SIAH1: variants seen among roughly 807,000 people sequenced by gnomAD.
SIAH1 encodes E3 ubiquitin-protein ligase SIAH1.
A neutral mutation model predicts 20.0 loss-of-function variants in SIAH1; 2 were observed. The ratio of observed to expected loss-of-function variants is 0.10; its 90% CI spans 0.04 to 0.31. SIAH1 has a LOEUF of 0.31. SIAH1 is among the 10% of genes least tolerant of loss of function. The probability of loss-of-function intolerance (pLI) is 1.00; values close to 1 mark genes in which losing one functional copy is unlikely to be tolerated. For missense variants in SIAH1, 119 were observed against 355.3 expected (o/e 0.33, Z 5.35); for synonymous variants, 118 against 125.3 (o/e 0.94, Z 0.39).
chr16:48,377,162 A>G (rs1207887587), intron 1 of SIAH1, among the ~76,000 whole-genome samples: 1 of 152,186 alleles, frequency 6.6e-6, no homozygotes, highest in Non-Finnish European at 1.5e-5. Flanking sequence ...TCTGTTTTAT[A>G]AATATAATTA....
chr16:48,365,934 G>T, intron 1 of SIAH1: 1 of 1,214,982 alleles, frequency 8.2e-7, no homozygotes, highest in Non-Finnish European at 1.0e-6. Flanking sequence ...GGCCGGGGCT[G>T]GGCCTGCGTT....
chr16:48,361,711 G>A lies in SIAH1; in HGVS notation c.718C>T (p.Pro240Ser). ...GCAATTCCTTCATGAATAGATCGAG[G>A]AGTCGCTTCCCAAGTCAATCGTCGC... ...HRRRLTWEAT[P>S]RSIHEGIATA... The change falls in exon 2 of 2, where the codon CCT becomes TCT. Residue 240 changes from proline (P) to serine (S), a missense_variant. Pro to Ser is a moderately conservative substitution (Grantham distance 74, BLOSUM62 -1). This residue lies in a region of SIAH1 where 84 missense variants were observed against 307.8 expected (regional missense o/e 0.27). Coordinates refer to ENST00000394725, the MANE Select transcript of SIAH1 (RefSeq NM_003031.4). 1 of 1,614,180 alleles carries A rather than the reference G, an allele frequency of 6.2e-7. No homozygotes were observed. The highest frequency in any genetic ancestry group is 2.2e-5 in the East Asian group (1 of 44,890).
chr16:48,381,731 G>A (rs1238601654), intron 1 of SIAH1, among the ~76,000 whole-genome samples: 1 of 152,204 alleles, frequency 6.6e-6, no homozygotes, highest in Non-Finnish European at 1.5e-5. Flanking sequence ...ATAAAAGAAA[G>A]AAGATAAGTG....
chr16:48,384,276 G>A (rs1961377675), intron 1 of SIAH1, among the ~76,000 whole-genome samples: 1 of 152,044 alleles, frequency 6.6e-6, no homozygotes, highest in Non-Finnish European at 1.5e-5. Flanking sequence ...CTATGACTTT[G>A]GCAAAAGAAG....
chr16:48,377,724 G>T (rs923482557), intron 1 of SIAH1, among the ~76,000 whole-genome samples: 1 of 151,570 alleles, frequency 6.6e-6, no homozygotes, highest in Non-Finnish European at 1.5e-5. Flanking sequence ...AAAAAAAATC[G>T]TTCTAGAAAT....
In SIAH1 at chr16:48,362,866, G is replaced by A. The variant is rs1277593862; in HGVS notation, c.-2-436C>T. 1 of 170,718 alleles carries A rather than the reference G, an allele frequency of 5.9e-6. No homozygotes were observed. The highest frequency in any genetic ancestry group is 6.3e-5 in the Admixed American group (1 of 15,900). The allele number at this position is 170,718 out of a possible 1,614,324, so 10.6% of individuals were successfully genotyped here. On this transcript the variant is annotated intron_variant, in intron 1 of 1. Transcript: ENST00000394725. This position sits in a 1 kb window ranked among gnomAD's most constrained non-coding sequence, Gnocchi z 4.2. ...TGTTGATAGGTACAGGGAGTTACAG[G>A]TGAACTCCTGTATAAAATCGGCACT... is the stretch of plus-strand genomic sequence containing the variant.
intron 1 of SIAH1, among the ~76,000 whole-genome samples, chr16:48,379,782 C>G (rs979117587): frequency 6.6e-6 from 1 of 152,190 alleles, no homozygotes; most frequent in Non-Finnish European, 1.5e-5. Context: ...TCACAAAGAG[C>G]TTCTCAGCTA....
chr16:48,365,691 G>T, intron 1 of SIAH1: 1 of 1,421,870 alleles, frequency 7.0e-7, no homozygotes, highest in Non-Finnish European at 9.2e-7. Flanking sequence ...GCTCAAATTC[G>T]ACTGCATCTC....
At position 48,380,650 on chromosome 16, in the gene SIAH1, G is replaced by A. The variant is rs577313550; in HGVS notation, c.-3+4554C>T. 2.0e-4 allele frequency among the ~76,000 whole-genome samples: 31 copies of A among 151,308 alleles called. 1 individual carries two copies. In the South Asian group the frequency reaches 5.2e-3, roughly 26 times the overall value. ...AGTAAGATACCACTACAGGCCAGGC[G>A]CAGTGGCCCACGCCTGTAATCCCAC... On this transcript the variant is annotated intron_variant, in intron 1 of 1. Coordinates refer to ENST00000394725, the MANE Select transcript of SIAH1 (RefSeq NM_003031.4).
In SIAH1 at chr16:48,360,756, A is replaced by T. The variant is rs1238860554; in HGVS notation, c.*824T>A. On this transcript the variant is annotated 3_prime_UTR_variant, in exon 2 of 2. Coordinates refer to ENST00000394725, the MANE Select transcript of SIAH1 (RefSeq NM_003031.4). ...AAGCCTGATTTGCAGTATTTATAAA[A>T]ATCAATTTATTCTCTAACCTTTCAA... The T allele has an allele frequency of 6.6e-6, 1 of 152,620 alleles. No homozygotes were observed. The highest frequency in any genetic ancestry group is 1.5e-5 in the Non-Finnish European group (1 of 68,040). The allele number at this position is 152,620 out of a possible 1,614,324, so 9.5% of individuals were successfully genotyped here. A position where few individuals can be genotyped will look rare whatever the true frequency, so the allele number is the denominator to read the frequency against.
chr16:48,362,095 T>C lies in SIAH1; in HGVS notation c.334A>G (p.Thr112Ala). 1.2e-6 allele frequency: 2 copies of C among 1,614,146 alleles called. No homozygotes were observed. Among genetic ancestry groups the C allele is most frequent in the Non-Finnish European group, 1.7e-6 (2 of 1,180,014 alleles). ...SSGCEITLPHTEKADHEELCE... is the reference protein window; with the variant it reads ...SSGCEITLPHAEKADHEELCE... ...AGCTCTTCATGGTCTGCTTTTTCTG[T>C]GTGTGGCAGAGTTATTTCACATCCA... is the stretch of plus-strand genomic sequence containing the variant. The change falls in exon 2 of 2, where the codon ACA (threonine) becomes GCA (alanine). Residue 112 changes from threonine (T) to alanine (A), a missense_variant. Physicochemically the swap from Thr to Ala is moderately conservative, Grantham distance 58. Around this residue, in one of 2 missense-constraint regions of SIAH1, gnomAD observed 84 missense variants for 307.8 expected, o/e 0.27. Transcript: ENST00000394725. This position sits in a 1 kb window ranked among gnomAD's most constrained non-coding sequence, Gnocchi z 4.2.
intron 1 of SIAH1, among the ~76,000 whole-genome samples, chr16:48,384,833 C>A (rs1961401950): frequency 6.8e-6 from 1 of 147,654 alleles, no homozygotes; most frequent in African/African-American, 2.4e-5. Context: ...GGCACGAGGG[C>A]GCGGGGCGCG....
chr16:48,362,530 C>T lies in SIAH1; in HGVS notation c.-2-100G>A. ...CCATAAGTCCTTTTAAAGTTTCATA[C>T]AAAATTTACTGAGCAAAAGAGGAAG... On this transcript the variant is annotated intron_variant, in intron 1 of 1. Transcript: ENST00000394725. This position sits in a 1 kb window ranked among gnomAD's most constrained non-coding sequence, Gnocchi z 4.2. The T allele has an allele frequency of 1.6e-6, 2 of 1,227,302 alleles. No homozygotes were observed. Among genetic ancestry groups the T allele is most frequent in the South Asian group, 1.5e-5 (1 of 68,580 alleles). 76.0% of individuals were successfully genotyped at this position (1,227,302 alleles called of 1,614,324 possible).
At chr16:48,379,709 A>G (rs1029192945) in intron 1 of SIAH1, among the ~76,000 whole-genome samples, 2 of 152,234 alleles carry the variant, frequency 1.3e-5, no homozygotes, top group Admixed American at 1.3e-4. Context: ...AGGATATGTT[A>G]CAGTGGGACC....
intron 1 of SIAH1, chr16:48,365,669 ACCT>A (rs1039816605): frequency 7.0e-7 from 1 of 1,425,576 alleles, no homozygotes; most frequent in Admixed American, 2.9e-5. Flanking sequence ...AGGCAACCAC[ACCT>A]CCCTGTGAGC....
chr16:48,377,771 A>C (rs1961151811), intron 1 of SIAH1, among the ~76,000 whole-genome samples: 1 of 152,106 alleles, frequency 6.6e-6, no homozygotes, highest in East Asian at 1.9e-4. Context: ...CAGGGAAAAG[A>C]ATAAGACTTA....
intron 1 of SIAH1, chr16:48,363,635 T>G (rs1960701710): frequency 1.2e-5 from 2 of 167,042 alleles, no homozygotes; most frequent in African/African-American, 2.4e-5. Flanking sequence ...ACGGCAGAGA[T>G]ATATGCCATA....
intron 1 of SIAH1, among the ~76,000 whole-genome samples, chr16:48,368,790 G>A (rs1424302234): frequency 6.6e-6 from 1 of 151,700 alleles, no homozygotes; most frequent in South Asian, 2.1e-4. Flanking sequence ...CCCATCTCTA[G>A]TAAAACAAAA....
At chr16:48,378,352 A>C (rs1961166755) in intron 1 of SIAH1, among the ~76,000 whole-genome samples, 1 of 152,214 alleles carries the variant, frequency 6.6e-6, no homozygotes, top group African/African-American at 2.4e-5. Flanking sequence ...AAACTTTGTC[A>C]CAAAACAACA....
Sources: gnomAD v4.1 joint callset for allele counts (sites outside exome capture counted in the v4.1 genomes callset) on GRCh38, gnomAD v4.1.1 for gene constraint, gnomAD v4.1.1 regional missense constraint, Gnocchi (gnomAD v3.1) non-coding constraint, MANE v1.5 for transcripts, NCBI Gene and HGNC (gene_info 2026-07-23, HGNC 2026-07-21) for gene names.